Variants in WDR38 observed in about 807,000 individuals in gnomAD.
WDR38 encodes the protein WD repeat-containing protein 38.
In WDR38, 37 loss-of-function variants were observed where a neutral mutation model predicts 36.6. The ratio of observed to expected loss-of-function variants is 1.01; its 90% CI spans 0.78 to 1.33. The LOEUF is 1.33. WDR38 is among the 40% of genes most tolerant of loss of function. WDR38 has a pLI of 0.00. For synonymous variants in WDR38, 164 were observed against 168.1 expected, an observed-to-expected ratio of 0.98 and a Z score of 0.19; for missense variants, 411 against 414.6, an observed-to-expected ratio of 0.99 and a Z score of 0.07.
intron 6 of WDR38, 44 bp from the exon 7 acceptor site, chr9:124,856,688 T>A (rs965588984): frequency 6.2e-7 from 1 of 1,613,260 alleles, no homozygotes. Flanking sequence ...CCCAGTGAGC[T>A]CACAGGCCCC....
Position 124,853,472 on chromosome 9 carries a change from C to T in WDR38, c.-60C>T. The T allele has an allele frequency of 9.0e-7, 1 of 1,111,056 alleles. No homozygotes were observed. The highest frequency in any genetic ancestry group is 3.4e-4 in the Middle Eastern group (1 of 2,962). The allele number at this position is 1,111,056 out of a possible 1,614,324, so 68.8% of individuals were successfully genotyped here. ...CAGTTTCCTCTTTCCTCTGCCCAGTCCTGGGGTCCCGCGGCCGCCTAGGAG... is the reference window on the plus strand; with the variant it reads ...CAGTTTCCTCTTTCCTCTGCCCAGTTCTGGGGTCCCGCGGCCGCCTAGGAG... On this transcript the variant is annotated 5_prime_UTR_variant, in exon 1 of 9. Transcript: ENST00000373574.
intron 3 of WDR38, 45 bp from the exon 4 acceptor site, chr9:124,855,816 C>T: frequency 6.2e-7 from 1 of 1,613,768 alleles, no homozygotes; most frequent in Non-Finnish European, 8.5e-7. Context: ...TGTCCTGTGT[C>T]ACGTCACCTT....
Position 124,853,596 on chromosome 9 carries a change from G to A in WDR38, c.65G>A (p.Gly22Glu). Residue 22 changes from glycine (G) to glutamate (E), a missense_variant, in exon 1 of 9, where the codon GGG becomes GAG. Transcript: ENST00000373574. Reference sequence around the variant, plus strand: ...GTGAAATTCTTCGGCCAGCACGGCGGGGAGGTGAGGTCCAGCGGGCTCTGC... The same window carrying A: ...GTGAAATTCTTCGGCCAGCACGGCGAGGAGGTGAGGTCCAGCGGGCTCTGC... ...RRVKFFGQHGGEVNSSAFSPD... is the reference protein window; with the variant it reads ...RRVKFFGQHGEEVNSSAFSPD... 7.9e-7 allele frequency: 1 copy of A among 1,272,058 alleles called. No individual in the cohort carries two copies. The highest frequency in any genetic ancestry group is 1.0e-6 in the Non-Finnish European group (1 of 1,001,616). 78.8% of individuals were successfully genotyped at this position (1,272,058 alleles called of 1,614,324 possible).
chr9:124,856,131 G>T (rs1206708008), intron 4 of WDR38, 109 bp from the exon 5 acceptor site: 3 of 1,555,404 alleles, frequency 1.9e-6, no homozygotes, highest in Non-Finnish European at 2.6e-6. Context: ...AGGCTTCCTT[G>T]CACACAGCAG....
rs199696469 is a variant in WDR38, at chr9:124,855,860, G to T, written c.308-1G>T. ...CCCCGACCCCGGGCTGGTGCCTGCA[G>T]GTCACCAACGGAGTGTGGAGACGGT... On this transcript the variant is annotated splice_acceptor_variant, in intron 3 of 8. Transcript: ENST00000373574. LOFTEE classifies it high-confidence loss of function. The T allele has an allele frequency of 6.2e-7, 1 of 1,614,156 alleles. No individual in the cohort carries two copies. The highest frequency in any genetic ancestry group is 8.5e-7 in the Non-Finnish European group (1 of 1,180,038).
At position 124,855,631 on chromosome 9, in the gene WDR38, C is replaced by T. The variant is rs762834213; in HGVS notation, c.191-3C>T. 3 of 1,608,476 alleles carry T rather than the reference C, an allele frequency of 1.9e-6. No individual in the cohort carries two copies. The East Asian group carries it at 6.7e-5, about 36-fold the overall frequency. On this transcript the variant is annotated splice_polypyrimidine_tract_variant and splice_region_variant and intron_variant, in intron 2 of 8. Coordinates refer to ENST00000373574, the MANE Select transcript of WDR38 (RefSeq NM_001045476.3). ...TGTCCCCTGACTGTGGCCACCCGCC[C>T]AGGCCCCGTGAAGTTCTGCCGCTTC...
In WDR38 at chr9:124,854,345, C is replaced by G. The variant is rs373972158; in HGVS notation, c.190+20C>G. On this transcript the variant is annotated intron_variant, in intron 2 of 8. Transcript: ENST00000373574. The stretch of plus-strand genomic sequence containing the variant: ...ACACAGGTGGGGCTCCCACACCTGG[C>G]CGGGAAGACCGAGGCACAAGGGTCT... 208 of 1,612,062 alleles carry G rather than the reference C, an allele frequency of 1.3e-4. 1 individual carries two copies. The highest frequency in any genetic ancestry group is 1.7e-4 in the Non-Finnish European group (201 of 1,179,618).
chr9:124,855,591 T>G (rs555491951), intron 2 of WDR38, 43 bp from the exon 3 acceptor site: 1 of 1,568,526 alleles, frequency 6.4e-7, no homozygotes, highest in South Asian at 1.1e-5. Context: ...TGGGCAGAAG[T>G]GGCGGGCAGT....
At chr9:124,856,072 C>T in intron 4 of WDR38, 114 bp downstream of exon 4, 1 of 1,530,142 alleles carries the variant, frequency 6.5e-7, no homozygotes. Flanking sequence ...TGGCCCATGC[C>T]CACAGCAGGC....
At position 124,853,543 on chromosome 9, in the gene WDR38, G is replaced by C. The variant is rs1030003149; in HGVS notation, c.12G>C (p.Gly4=). The change falls in exon 1 of 9, where the codon GGG becomes GGC. Residue 4 remains glycine, a synonymous_variant. Transcript: ENST00000373574. Reference sequence around the variant, plus strand: ...GGGGCCGGGTGCCCATGAACAGCGGGGTCCCGGCCACGCTGGCCGTGCGGA... The same window carrying C: ...GGGGCCGGGTGCCCATGAACAGCGGCGTCCCGGCCACGCTGGCCGTGCGGA... The part of the protein sequence containing the change: MNS[G]VPATLAVRRV... 5 of 1,247,894 alleles carry C rather than the reference G, an allele frequency of 4.0e-6. No individual in the cohort carries two copies. 77.3% of individuals were successfully genotyped at this position (1,247,894 alleles called of 1,614,324 possible).
rs908296851 is a variant in WDR38, at chr9:124,855,617, T to C, written c.191-17T>C. On this transcript the variant is annotated splice_polypyrimidine_tract_variant and intron_variant, in intron 2 of 8. Coordinates refer to ENST00000373574, the MANE Select transcript of WDR38 (RefSeq NM_001045476.3). ...GGCGGGCAGTGCTCTGTCCCCTGAC[T>C]GTGGCCACCCGCCCAGGCCCCGTGA... 2.6e-5 allele frequency: 42 copies of C among 1,604,610 alleles called. No individual in the cohort carries two copies. Among genetic ancestry groups the C allele is most frequent in the Non-Finnish European group, 3.6e-5 (42 of 1,179,216 alleles).
rs554892589 is a variant in WDR38 at position 124,854,113 on chromosome 9, C to T, written c.70-92C>T. ...AGTGAGGCTTGAAGTCAAGCTCCAACCCCAGGCTCTTGGGGGGCAGTGTTT... is the reference window on the plus strand; with the variant it reads ...AGTGAGGCTTGAAGTCAAGCTCCAATCCCAGGCTCTTGGGGGGCAGTGTTT... On this transcript the variant is annotated intron_variant, in intron 1 of 8. Transcript: ENST00000373574. 5 of 1,568,774 alleles carry T rather than the reference C, an allele frequency of 3.2e-6. No homozygotes were observed. The Admixed American group carries it at 5.1e-5, about 16-fold the overall frequency.
At chr9:124,854,858 C>T (rs11791724) in intron 2 of WDR38, among the ~76,000 whole-genome samples, 53,965 of 152,052 alleles carry the variant, frequency 0.35, 10,042 homozygotes, top group Middle Eastern at 0.46. Flanking sequence ...GCCACTGCAC[C>T]GGCTTTGTTG....
chr9:124,857,573 T>G lies in WDR38; in HGVS notation c.888T>G (p.Asp296Glu). 1 of 1,614,168 alleles carries G rather than the reference T, an allele frequency of 6.2e-7. No individual in the cohort carries two copies. The highest frequency in any genetic ancestry group is 8.5e-7 in the Non-Finnish European group (1 of 1,180,030). ...DGKILVSGAA[D>E]QTRRQISRTS... ...AAATCTTAGTGTCTGGAGCTGCCGATCAGACTAGACGTCAAATATCCCGCA... is the reference window on the plus strand; with the variant it reads ...AAATCTTAGTGTCTGGAGCTGCCGAGCAGACTAGACGTCAAATATCCCGCA... Residue 296 changes from aspartate (D) to glutamate (E), a missense_variant, in exon 9 of 9, where the codon GAT becomes GAG. By Grantham distance (45) the Asp-to-Glu change is conservative. Transcript: ENST00000373574.
chr9:124,857,354 C>A lies in WDR38; in HGVS notation c.769-10C>A. On this transcript the variant is annotated splice_polypyrimidine_tract_variant and intron_variant, in intron 7 of 8. Coordinates refer to ENST00000373574, the MANE Select transcript of WDR38 (RefSeq NM_001045476.3). ...GTGAGGCTTCCTGACATGCCCCCCT[C>A]CTTTTCCAGGTCAAAGTCTGGGACT... 1 of 1,603,938 alleles carries A rather than the reference C, an allele frequency of 6.2e-7. No homozygotes were observed. Among genetic ancestry groups the A allele is most frequent in the Non-Finnish European group, 8.5e-7 (1 of 1,173,420 alleles).
chr9:124,857,491 A>G lies in WDR38; in HGVS notation c.817-11A>G. The G allele has an allele frequency of 1.2e-6, 2 of 1,613,786 alleles. No homozygotes were observed. The highest frequency in any genetic ancestry group is 1.7e-6 in the Non-Finnish European group (2 of 1,179,950). Reference sequence around the variant, plus strand: ...GGACTTGCCTCGAGCCCCACCTTCTACTCTTAGCAGGGAGTCCTGGATGTG... The same window carrying G: ...GGACTTGCCTCGAGCCCCACCTTCTGCTCTTAGCAGGGAGTCCTGGATGTG... On this transcript the variant is annotated splice_polypyrimidine_tract_variant and intron_variant, in intron 8 of 8. Coordinates refer to ENST00000373574, the MANE Select transcript of WDR38 (RefSeq NM_001045476.3).
chr9:124,856,381 T>C, intron 5 of WDR38, 61 bp downstream of exon 5: 2 of 1,613,202 alleles, frequency 1.2e-6, no homozygotes, highest in East Asian at 4.5e-5. Context: ...TGGAGCTGAG[T>C]GGTGGGAAGG....
intron 2 of WDR38, 36 bp from the exon 3 acceptor site, chr9:124,855,596 GGC>G (rs1335942561): frequency 6.3e-7 from 1 of 1,582,748 alleles, no homozygotes. Context: ...AGAAGTGGCG[GGC>G]AGTGCTCTGT....
At chr9:124,856,906 T>TA in intron 7 of WDR38, 25 bp downstream of exon 7, 5 of 1,612,348 alleles carry the variant, frequency 3.1e-6, no homozygotes, top group African/African-American at 1.3e-5. Flanking sequence ...CCCATCCTGC[T>TA]CCTACCTACC....
Sources: allele counts gnomAD v4.1 joint callset (sites outside exome capture counted in the v4.1 genomes callset), GRCh38; gene constraint gnomAD v4.1.1; transcripts MANE v1.5; gene names NCBI Gene and HGNC (gene_info 2026-07-23, HGNC 2026-07-21).